PAK3: variants seen among roughly 807,000 people sequenced by gnomAD.
The protein encoded by PAK3 is serine/threonine-protein kinase PAK 3.
Under a neutral mutation model 41.0 loss-of-function variants are expected in PAK3, and 4 were observed. That is an observed-to-expected ratio of 0.10 (90% confidence interval 0.05 to 0.22). The LOEUF (loss-of-function observed/expected upper bound fraction) is 0.22. Ranked by LOEUF, PAK3 falls within the 10% of genes least tolerant of loss-of-function variation. The probability of loss-of-function intolerance (pLI) is 1.00; values close to 1 mark genes in which losing one functional copy is unlikely to be tolerated. For missense variants in PAK3, 205 were observed against 409.9 expected (o/e 0.50, Z 4.32); for synonymous variants, 146 against 139.6 (o/e 1.05, Z -0.32).
chrX:110,982,201 C>A (rs1390937630), intron 1 of PAK3, among the ~76,000 whole-genome samples: 2 of 111,446 alleles, frequency 1.8e-5, no homozygotes, highest in East Asian at 5.7e-4. Context: ...TATTTGGAAT[C>A]CCTGTTGTAA....
At chrX:111,026,261 C>T (rs1481526576) in intron 1 of PAK3, among the ~76,000 whole-genome samples, 2 of 111,581 alleles carry the variant, frequency 1.8e-5, no homozygotes, top group Non-Finnish European at 3.8e-5. Flanking sequence ...AGGCTGCCCA[C>T]TTTCACCACT....
chrX:111,058,502 G>T (rs920389604), intron 1 of PAK3, among the ~76,000 whole-genome samples: 1 of 111,430 alleles, frequency 9.0e-6, no homozygotes, highest in Non-Finnish European at 1.9e-5. Context: ...TGTTCATTCA[G>T]ATATTTGCCA....
At chrX:111,099,199 G>A (rs754933611) in intron 3 of PAK3, among the ~76,000 whole-genome samples, 1 of 112,468 alleles carries the variant, frequency 8.9e-6, no homozygotes, top group Non-Finnish European at 1.9e-5. Context: ...TTCCTACCGC[G>A]CTCTGTGGCT....
At chrX:110,964,207 G>T (rs143117570) in intron 1 of PAK3, among the ~76,000 whole-genome samples, 1 of 111,842 alleles carries the variant, frequency 8.9e-6, no homozygotes, top group East Asian at 2.8e-4. Context: ...CATACCCCTA[G>T]CAATCGATGA....
chrX:111,028,001 G>GTGTGTGTATATATGTACATATATA (rs780630460), intron 1 of PAK3, among the ~76,000 whole-genome samples: 1 of 96,199 alleles, frequency 1.0e-5, no homozygotes, highest in Non-Finnish European at 2.0e-5. Flanking sequence ...ATATGTGTGT[G>GTGTGTGTATATATGTACATATATA]TGTGTATATA....
At chrX:110,956,466 T>C (rs1403117707) in intron 1 of PAK3, among the ~76,000 whole-genome samples, 1 of 111,150 alleles carries the variant, frequency 9.0e-6, no homozygotes, top group African/African-American at 3.3e-5. Context: ...GTGCCTGTGA[T>C]GTACTATTAT....
intron 1 of PAK3, among the ~76,000 whole-genome samples, chrX:111,076,341 A>T (rs963284064): frequency 8.9e-6 from 1 of 111,741 alleles, no homozygotes; most frequent in African/African-American, 3.3e-5. Context: ...AGAGGGGATG[A>T]TCTCTCATGA....
intron 6 of PAK3, chrX:111,144,731 A>G (rs2093920340): frequency 8.3e-6 from 3 of 359,480 alleles, no homozygotes; most frequent in Admixed American, 9.7e-5. Flanking sequence ...ATTGGCCCAT[A>G]TGACCTTGTA....
At chrX:111,017,340 T>A (rs991631715) in intron 1 of PAK3, among the ~76,000 whole-genome samples, 1 of 109,859 alleles carries the variant, frequency 9.1e-6, no homozygotes, top group African/African-American at 3.3e-5. Context: ...ATTGACAGAG[T>A]TTATAGCTAG....
chrX:111,106,328 C>T (rs150774395), intron 4 of PAK3, among the ~76,000 whole-genome samples: 64 of 112,163 alleles, frequency 5.7e-4, no homozygotes, highest in African/African-American at 2.0e-3. Flanking sequence ...ATTCACATTG[C>T]AATAGTTGAC....
At chrX:111,059,281 C>A (rs7057396) in intron 1 of PAK3, among the ~76,000 whole-genome samples, 5,165 of 110,380 alleles carry the variant, frequency 0.047, 293 homozygotes, top group African/African-American at 0.16. Context: ...ACTTCAGCCT[C>A]CCAAGTATCT....
chrX:111,163,004 G>A lies in PAK3; in HGVS notation c.558G>A (p.Glu186=), dbSNP rs2149196457. 8.3e-7 allele frequency: 1 copy of A among 1,207,273 alleles called. No individual in the cohort carries two copies. Among genetic ancestry groups the A allele is most frequent in the South Asian group, 1.8e-5 (1 of 56,871 alleles). Residue 186 remains glutamate, a synonymous_variant, in exon 9 of 18, where the codon GAG becomes GAA. Transcript: ENST00000372007. ...AAGAAGAAGAAGAAGATGAAAATGA[G>A]CCACCACCAGTTATCGCACCAAGAC... is the stretch of plus-strand genomic sequence containing the variant. ...EEEEEEEDEN[E]PPPVIAPRPE...
chrX:110,952,325 A>G (rs2090760599), intron 1 of PAK3, among the ~76,000 whole-genome samples: 1 of 111,428 alleles, frequency 9.0e-6, no homozygotes. Context: ...AATCCTTTGG[A>G]GGTGGCAGGG....
At chrX:110,997,285 G>A (rs936153647) in intron 1 of PAK3, among the ~76,000 whole-genome samples, 2 of 110,716 alleles carry the variant, frequency 1.8e-5, no homozygotes, top group Non-Finnish European at 3.8e-5. Context: ...TAGAGCAGAG[G>A]GTAATATCAT....
At chrX:111,073,500 G>A (rs1441889527) in intron 1 of PAK3, among the ~76,000 whole-genome samples, 1 of 111,358 alleles carries the variant, frequency 9.0e-6, no homozygotes, top group Non-Finnish European at 1.9e-5. Context: ...AAGGAGAGAA[G>A]ACTGAAAATC....
At chrX:111,184,465 T>C (rs909694370) in intron 11 of PAK3, among the ~76,000 whole-genome samples, 12 of 109,361 alleles carry the variant, frequency 1.1e-4, no homozygotes, top group African/African-American at 4.0e-4. Flanking sequence ...GTTTGTTACA[T>C]AGGTATACAC....
At chrX:111,202,687 C>G (rs1264577127) in intron 16 of PAK3, among the ~76,000 whole-genome samples, 2 of 111,538 alleles carry the variant, frequency 1.8e-5, no homozygotes, top group Non-Finnish European at 3.8e-5. Context: ...TTTCTCAGCA[C>G]CCAGAGAGTG....
chrX:111,021,076 C>T (rs985809030), intron 1 of PAK3, among the ~76,000 whole-genome samples: 10 of 111,726 alleles, frequency 9.0e-5, no homozygotes, highest in Non-Finnish European at 1.9e-4. Flanking sequence ...CTACCTGCCC[C>T]CGGGAAGACA....
chrX:111,014,077 A>C (rs2092051918), intron 1 of PAK3, among the ~76,000 whole-genome samples: 1 of 112,059 alleles, frequency 8.9e-6, no homozygotes, highest in South Asian at 3.7e-4. Context: ...CCCTTTGCTA[A>C]CCACTCCCAC....
Sources: gnomAD v4.1 joint callset for allele counts (sites outside exome capture counted in the v4.1 genomes callset) on GRCh38, gnomAD v4.1.1 for gene constraint, MANE v1.5 for transcripts, NCBI Gene and HGNC (gene_info 2026-07-23, HGNC 2026-07-21) for gene names.